Variants in NLGN1 observed in about 807,000 individuals in gnomAD.
The protein encoded by NLGN1 is neuroligin 1, also known as neuroligin-1.
A neutral mutation model predicts 65.5 loss-of-function variants in NLGN1; 12 were observed. The ratio of observed to expected loss-of-function variants is 0.18; its 90% CI spans 0.12 to 0.30. NLGN1 has a LOEUF of 0.30. NLGN1 is among the 10% of genes least tolerant of loss of function. The pLI is 1.00. For missense variants in NLGN1, 750 were observed against 1,007.1 expected (o/e 0.74, Z 3.46); for synonymous variants, 350 against 359.5 (o/e 0.97, Z 0.30).
At chr3:173,977,111 A>ACG (rs1717658736) in intron 4 of NLGN1, among the ~76,000 whole-genome samples, 1 of 142,502 alleles carries the variant, frequency 7.0e-6, no homozygotes, top group African/African-American at 2.7e-5. Context: ...ACACACGCAC[A>ACG]CACACACACA....
At chr3:173,415,933 A>AGC (rs1713668436) in intron 1 of NLGN1, among the ~76,000 whole-genome samples, 2 of 147,546 alleles carry the variant, frequency 1.4e-5, no homozygotes, top group Non-Finnish European at 3.0e-5. Flanking sequence ...AGAGAGAGAG[A>AGC]GAGAGAGAGA....
chr3:173,731,330 T>C (rs558277766), intron 3 of NLGN1, among the ~76,000 whole-genome samples: 1 of 152,270 alleles, frequency 6.6e-6, no homozygotes, highest in South Asian at 2.1e-4. Context: ...TTTATAATTT[T>C]GTTTCTAATA....
chr3:173,971,428 G>A (rs184768262), intron 4 of NLGN1, among the ~76,000 whole-genome samples: 52 of 148,624 alleles, frequency 3.5e-4, no homozygotes, highest in Admixed American at 3.0e-3. Context: ...AGGAGAGACA[G>A]AGGATGATGA....
chr3:173,811,846 A>T (rs1395438869), intron 4 of NLGN1, among the ~76,000 whole-genome samples: 2 of 152,168 alleles, frequency 1.3e-5, no homozygotes, highest in Non-Finnish European at 2.9e-5. Context: ...ATGTTAAGTA[A>T]TTTATCATTA....
intron 4 of NLGN1, among the ~76,000 whole-genome samples, chr3:174,054,727 T>C (rs1735667172): frequency 6.6e-6 from 1 of 152,070 alleles, no homozygotes; most frequent in Non-Finnish European, 1.5e-5. Flanking sequence ...AAGGCCATGA[T>C]GATGAGTTCA....
At chr3:174,070,469 T>C (rs1397425691) in intron 4 of NLGN1, among the ~76,000 whole-genome samples, 1 of 151,860 alleles carries the variant, frequency 6.6e-6, no homozygotes, top group Admixed American at 6.6e-5. Context: ...GTAGCTGGGA[T>C]TACAGGTGCC....
chr3:174,225,474 G>T, intron 4 of NLGN1, among the ~76,000 whole-genome samples: 1 of 152,202 alleles, frequency 6.6e-6, no homozygotes, highest in East Asian at 1.9e-4. Context: ...GCTCACGCCT[G>T]TAATCCCAGC....
intron 3 of NLGN1, among the ~76,000 whole-genome samples, chr3:173,645,388 G>A (rs1438555839): frequency 2.0e-5 from 3 of 152,172 alleles, no homozygotes; most frequent in Non-Finnish European, 4.4e-5. Flanking sequence ...CCATGACAGT[G>A]CCCTCCCATC....
At chr3:174,275,621 CTGAG>C (rs1561453768) in intron 5 of NLGN1, 94 bp downstream of exon 5, 6 of 755,898 alleles carry the variant, frequency 7.9e-6, no homozygotes, top group African/African-American at 6.9e-5. Flanking sequence ...TCTGTTCAAA[CTGAG>C]TGTTAGGTTG....
chr3:173,784,224 T>G (rs1370167761), intron 3 of NLGN1, among the ~76,000 whole-genome samples: 1 of 152,168 alleles, frequency 6.6e-6, no homozygotes, highest in Non-Finnish European at 1.5e-5. Context: ...GAATAGATAT[T>G]CTAGGTGTAA....
intron 4 of NLGN1, among the ~76,000 whole-genome samples, chr3:173,845,290 A>G (rs1311553192): frequency 6.6e-6 from 1 of 152,194 alleles, no homozygotes; most frequent in African/African-American, 2.4e-5. Context: ...TACACAATTA[A>G]TACATACTGG....
At chr3:173,924,529 A>AT (rs1204600936) in intron 4 of NLGN1, among the ~76,000 whole-genome samples, 1 of 151,876 alleles carries the variant, frequency 6.6e-6, no homozygotes, top group Non-Finnish European at 1.5e-5. Flanking sequence ...AGGCCAAAGT[A>AT]TGAGAATCCC....
chr3:173,996,408 G>A (rs912382764), intron 4 of NLGN1, among the ~76,000 whole-genome samples: 2 of 152,174 alleles, frequency 1.3e-5, no homozygotes, highest in African/African-American at 4.8e-5. Flanking sequence ...AGTTAGTCTG[G>A]AGTGGAGCCT....
At chr3:173,409,807 A>T (rs553031426) in intron 1 of NLGN1, among the ~76,000 whole-genome samples, 39 of 152,348 alleles carry the variant, frequency 2.6e-4, no homozygotes, top group African/African-American at 9.1e-4. Flanking sequence ...AAACATAAAA[A>T]AGACAAGTAT....
intron 4 of NLGN1, among the ~76,000 whole-genome samples, chr3:173,973,017 G>A (rs754994517): frequency 4.8e-4 from 73 of 152,142 alleles, no homozygotes; most frequent in Admixed American, 2.6e-3. Flanking sequence ...CAGCACTGCC[G>A]CTTATTGTCT....
intron 4 of NLGN1, among the ~76,000 whole-genome samples, chr3:173,873,982 C>T (rs887264848): frequency 4.6e-5 from 7 of 152,138 alleles, no homozygotes; most frequent in Admixed American, 1.3e-4. Flanking sequence ...AGACAACACA[C>T]AGACCAAGGG....
chr3:174,043,525 A>C (rs965295354), intron 4 of NLGN1, among the ~76,000 whole-genome samples: 1 of 152,180 alleles, frequency 6.6e-6, no homozygotes, highest in African/African-American at 2.4e-5. Context: ...TACAGGCCCC[A>C]TGCAAGCCCA....
chr3:173,514,083 A>G (rs1733431824), intron 2 of NLGN1, among the ~76,000 whole-genome samples: 1 of 152,184 alleles, frequency 6.6e-6, no homozygotes, highest in Non-Finnish European at 1.5e-5. Flanking sequence ...CTTCTAAAAC[A>G]TACTGACTGC....
intron 1 of NLGN1, among the ~76,000 whole-genome samples, chr3:173,405,242 G>T (rs1278348179): frequency 6.6e-6 from 1 of 152,010 alleles, no homozygotes; most frequent in Non-Finnish European, 1.5e-5. Context: ...ATCCTGGTGT[G>T]TTGTTGATTT....
Sources: gnomAD v4.1 joint callset for allele counts (sites outside exome capture counted in the v4.1 genomes callset) on GRCh38, gnomAD v4.1.1 for gene constraint, MANE v1.5 for transcripts, NCBI Gene and HGNC (gene_info 2026-07-23, HGNC 2026-07-21) for gene names.